RUBCN: variants seen among roughly 807,000 people sequenced by gnomAD.
RUBCN encodes rubicon autophagy regulator, also known as run domain Beclin-1-interacting and cysteine-rich domain-containing protein.
RUBCN carries 74 observed loss-of-function variants against 113.2 expected under a neutral mutation model. The ratio of observed to expected loss-of-function variants is 0.65; its 90% CI spans 0.54 to 0.79. The LOEUF (loss-of-function observed/expected upper bound fraction) is 0.79, where lower values mean the gene tolerates loss of function less well. Ranked by LOEUF, RUBCN falls within the 30% of genes least tolerant of loss-of-function variation. RUBCN has a pLI of 0.00. For missense variants in RUBCN, 1,109 were observed against 1,251.7 expected (o/e 0.89, Z 1.72); for synonymous variants, 480 against 490.0 (o/e 0.98, Z 0.27).
intron 9 of RUBCN, 114 bp downstream of exon 9, chr3:197,695,752 A>C: frequency 1.1e-6 from 1 of 942,518 alleles, no homozygotes; most frequent in Non-Finnish European, 1.7e-6. Context: ...CTTTACCGTG[A>C]ACTTATCTTT....
chr3:197,734,833 A>G (rs1438411249), intron 1 of RUBCN, among the ~76,000 whole-genome samples: 1 of 152,210 alleles, frequency 6.6e-6, no homozygotes, highest in Non-Finnish European at 1.5e-5. Flanking sequence ...AAACATGGAA[A>G]AGGGAAGTAA....
chr3:197,738,520 C>G (rs1343300656), upstream of RUBCN, among the ~76,000 whole-genome samples: 1 of 152,100 alleles, frequency 6.6e-6, no homozygotes, highest in African/African-American at 2.4e-5. Flanking sequence ...TCTCATTTTC[C>G]TACTAAACGA....
At position 197,669,975 on chromosome 3, in the gene RUBCN, G is replaced by A. The variant is rs202184484; in HGVS notation, c.*5043C>T. ...GTGATCTCGGCTCACTGCAACCTCCGCCACCCGGGTTCAAGCAATTCTCCT... is the reference window on the plus strand; with the variant it reads ...GTGATCTCGGCTCACTGCAACCTCCACCACCCGGGTTCAAGCAATTCTCCT... On this transcript the variant is annotated 3_prime_UTR_variant, in exon 20 of 20. Coordinates refer to ENST00000296343, the MANE Select transcript of RUBCN (RefSeq NM_014687.4). Among the ~76,000 whole-genome samples, 5 of 152,082 alleles carry A rather than the reference G, an allele frequency of 3.3e-5. No individual in the cohort carries two copies. Among genetic ancestry groups the A allele is most frequent in the Admixed American group, 6.6e-5 (1 of 15,264 alleles).
chr3:197,749,765 C>A, upstream of RUBCN: 1 of 561,846 alleles, frequency 1.8e-6, no homozygotes, highest in Non-Finnish European at 3.3e-6. Flanking sequence ...CTGCGAGGGC[C>A]GCTAGGAGCG....
chr3:197,737,544 C>T (rs1028452477), upstream of RUBCN, among the ~76,000 whole-genome samples: 57 of 151,890 alleles, frequency 3.8e-4, 1 homozygote. Flanking sequence ...ACTGCAGGTG[C>T]TGGGTAGCCA....
At chr3:197,747,320 T>C (rs1311400831) in intron 1 of RUBCN, among the ~76,000 whole-genome samples, 1 of 151,980 alleles carries the variant, frequency 6.6e-6, no homozygotes, top group East Asian at 1.9e-4. Flanking sequence ...TACTGCAGCA[T>C]GGCCTTTTGC....
intron 2 of RUBCN, among the ~76,000 whole-genome samples, chr3:197,708,292 C>T (rs1265577655): frequency 6.6e-6 from 1 of 151,868 alleles, no homozygotes; most frequent in African/African-American, 2.4e-5. Context: ...TCTGCCACCA[C>T]GCCTGGCTAA....
intron 16 of RUBCN, 99 bp from the exon 17 acceptor site, chr3:197,677,640 C>T: frequency 9.4e-7 from 1 of 1,058,698 alleles, no homozygotes; most frequent in Non-Finnish European, 1.5e-6. Context: ...GTTCTAGAAG[C>T]CTTGCATGCT....
intron 1 of RUBCN, chr3:197,749,180 G>T: frequency 1.5e-6 from 1 of 652,576 alleles, no homozygotes; most frequent in Non-Finnish European, 1.9e-6. Context: ...TTTCCCGTAG[G>T]GATGATTAAA....
Position 197,692,336 on chromosome 3 carries a change from T to C in RUBCN, c.1786+1379A>G, listed in dbSNP as rs753800038. Reference sequence around the variant, plus strand: ...CGTGATCTCTTCCTTAGTCCCTGTGTACTTCTTCATGTGGCTGCTCATTTG... The same window carrying C: ...CGTGATCTCTTCCTTAGTCCCTGTGCACTTCTTCATGTGGCTGCTCATTTG... On this transcript the variant is annotated intron_variant, in intron 11 of 19. Coordinates refer to ENST00000296343, the MANE Select transcript of RUBCN (RefSeq NM_014687.4). Among the ~76,000 whole-genome samples, 126 of 151,982 alleles carry C rather than the reference T, an allele frequency of 8.3e-4. 1 individual carries two copies. The highest frequency in any genetic ancestry group is 1.5e-3 in the Non-Finnish European group (99 of 68,002).
chr3:197,749,460 G>A, exon 1 of RUBCN: 8 of 1,269,544 alleles, frequency 6.3e-6, no homozygotes, highest in Non-Finnish European at 8.2e-6. Context: ...TGTAGGTGGA[G>A]GAGCGTGCCA....
chr3:197,742,495 A>G (rs1055569067), intron 1 of RUBCN, among the ~76,000 whole-genome samples: 2 of 152,184 alleles, frequency 1.3e-5, no homozygotes, highest in Admixed American at 6.5e-5. Flanking sequence ...TGTCTCAAAA[A>G]AAAAAAATCT....
At chr3:197,705,263 A>AC in intron 2 of RUBCN, 88 bp from the exon 3 acceptor site, 1 of 1,151,320 alleles carries the variant, frequency 8.7e-7, no homozygotes, top group East Asian at 2.4e-5. Context: ...TAGGAAAAGG[A>AC]CCACAACCTT....
At chr3:197,690,956 C>A in intron 11 of RUBCN, 1 of 498,412 alleles carries the variant, frequency 2.0e-6, no homozygotes, top group Non-Finnish European at 3.6e-6. Context: ...ACTAGTTCTC[C>A]AGCCCCTACA....
At chr3:197,677,659 A>T in intron 16 of RUBCN, 118 bp from the exon 17 acceptor site, 1 of 855,590 alleles carries the variant, frequency 1.2e-6, no homozygotes, top group Non-Finnish European at 2.0e-6. Flanking sequence ...CTGCACCCAG[A>T]GCAGACTGTC....
intron 1 of RUBCN, among the ~76,000 whole-genome samples, chr3:197,742,377 C>G (rs1301359052): frequency 6.6e-6 from 1 of 151,936 alleles, no homozygotes. Context: ...CCTGTAATCC[C>G]AGCCACTTGG....
Position 197,695,983 on chromosome 3 carries a change from T to G in RUBCN, c.1358-2A>C, listed in dbSNP as rs759308084. ...CTGAGCACAGGTACCGACCACCTTC[T>G]GTGGGAAATGGAATGTGGATGAAAC... is the stretch of plus-strand genomic sequence containing the variant. On this transcript the variant is annotated splice_acceptor_variant, in intron 8 of 19. Coordinates refer to ENST00000296343, the MANE Select transcript of RUBCN (RefSeq NM_014687.4). LOFTEE classifies it high-confidence loss of function. The G allele has an allele frequency of 1.2e-6, 2 of 1,613,754 alleles. No individual in the cohort carries two copies. The highest frequency in any genetic ancestry group is 2.7e-5 in the African/African-American group (2 of 74,918).
In RUBCN at chr3:197,708,266, G is replaced by A. The variant is rs1239945474; in HGVS notation, c.220-3091C>T. Among the ~76,000 whole-genome samples the A allele has an allele frequency of 3.3e-5, 5 of 151,880 alleles. 1 individual carries two copies. Among genetic ancestry groups the A allele is most frequent in the South Asian group, 4.2e-4 (2 of 4,810 alleles). On this transcript the variant is annotated intron_variant, in intron 2 of 19. Transcript: ENST00000296343. ...TTCTCCTGCCTCAGCCTCCCGAGTCGCGGGGATTACAGGTGTCTGCCACCA... is the reference window on the plus strand; with the variant it reads ...TTCTCCTGCCTCAGCCTCCCGAGTCACGGGGATTACAGGTGTCTGCCACCA...
chr3:197,668,984 GTA>G lies in RUBCN; in HGVS notation c.*6032_*6033del, dbSNP rs142020467. Reference sequence around the variant, plus strand: ...CTAACAGAACCACACTAATTTTTACGTATGTTTTCCTTATGTATTTTTTCTAA... The same window carrying G: ...CTAACAGAACCACACTAATTTTTACGTGTTTTCCTTATGTATTTTTTCTAA... On this transcript the variant is annotated 3_prime_UTR_variant, in exon 20 of 20. Coordinates refer to ENST00000296343, the MANE Select transcript of RUBCN (RefSeq NM_014687.4). Among the ~76,000 whole-genome samples, 2,059 of 152,140 alleles carry G rather than the reference GTA, an allele frequency of 0.014. 36 individuals are homozygous for G. The highest frequency in any genetic ancestry group is 0.046 in the African/African-American group (1,904 of 41,490).
Sources: allele counts gnomAD v4.1 joint callset (sites outside exome capture counted in the v4.1 genomes callset), GRCh38; gene constraint gnomAD v4.1.1; transcripts MANE v1.5; gene names NCBI Gene and HGNC (gene_info 2026-07-23, HGNC 2026-07-21).